Variants in N4BP2 observed in about 807,000 individuals in gnomAD.
The protein encoded by N4BP2 is NEDD4-binding protein 2.
Under a neutral mutation model 152.8 loss-of-function variants are expected in N4BP2, and 91 were observed. That is an observed-to-expected ratio of 0.60 (90% CI 0.50 to 0.71). N4BP2 has a LOEUF of 0.71. N4BP2 is among the 30% of genes least tolerant of loss of function. The probability of loss-of-function intolerance (pLI) is 0.00; values close to 1 mark genes in which losing one functional copy is unlikely to be tolerated. For missense variants in N4BP2, 1,923 were observed against 2,059.1 expected, an observed-to-expected ratio of 0.93 and a Z score of 1.28; for synonymous variants, 646 against 705.3, an observed-to-expected ratio of 0.92 and a Z score of 1.33.
chr4:40,116,854 A>G (rs1049702999), intron 7 of N4BP2, among the ~76,000 whole-genome samples: 1 of 152,068 alleles, frequency 6.6e-6, no homozygotes, highest in Non-Finnish European at 1.5e-5. Context: ...TATATTCTAT[A>G]CTGACAGTTA....
chr4:40,126,116 A>G lies in N4BP2; in HGVS notation c.4331-18A>G, dbSNP rs769256700. On this transcript the variant is annotated intron_variant, in intron 11 of 17. Transcript: ENST00000261435. ...CATTTATTGTTGAGAGTATGACAGTATTTATACTACTTTGTAGATCCTTCC... is the reference window on the plus strand; with the variant it reads ...CATTTATTGTTGAGAGTATGACAGTGTTTATACTACTTTGTAGATCCTTCC... The G allele has an allele frequency of 6.7e-7, 1 of 1,488,988 alleles. No homozygotes were observed. Among genetic ancestry groups the G allele is most frequent in the South Asian group, 1.3e-5 (1 of 75,282 alleles). The allele number at this position is 1,488,988 out of a possible 1,614,324, so 92.2% of individuals were successfully genotyped here. A position where few individuals can be genotyped will look rare whatever the true frequency, so the allele number is the denominator to read the frequency against.
intron 16 of N4BP2, among the ~76,000 whole-genome samples, chr4:40,148,475 AGAGGGG>A (rs1258888663): frequency 6.8e-4 from 53 of 77,856 alleles, no homozygotes; most frequent in Admixed American, 1.3e-3. Flanking sequence ...GGGGAGAGGG[AGAGGGG>A]GAGGGGGAGG....
intron 2 of N4BP2, among the ~76,000 whole-genome samples, chr4:40,091,746 C>G (rs1201604588): frequency 6.7e-6 from 1 of 148,756 alleles, no homozygotes; most frequent in Non-Finnish European, 1.5e-5. Flanking sequence ...GTACCTGGGA[C>G]CACAGGTACG....
In N4BP2 at chr4:40,097,388, T is replaced by G. The variant is rs1271084144; in HGVS notation, c.48T>G (p.Thr16=). The stretch of plus-strand genomic sequence containing the variant: ...TTGGGGGAAATCCTTTTCGGAAGAC[T>G]GCAAACCCTAAGGAAGTTGTCGTAT... ...KNLGGNPFRK[T]ANPKEVVVSS... The change falls in exon 3 of 18, where the codon ACT becomes ACG. Residue 16 remains threonine (T), a synonymous_variant. Transcript: ENST00000261435. The G allele has an allele frequency of 1.9e-6, 3 of 1,614,146 alleles. No individual in the cohort carries two copies. The Admixed American group carries it at 5.0e-5, about 27-fold the overall frequency.
At chr4:40,177,989 C>A in the N4BP2 span, among the ~76,000 whole-genome samples, 2 of 151,808 alleles carry the variant, frequency 1.3e-5, no homozygotes, top group African/African-American at 4.8e-5. Context: ...CTTAAGCAAC[C>A]AGAAAAAAAC....
chr4:40,119,423 A>G (rs1367447981), intron 8 of N4BP2, among the ~76,000 whole-genome samples: 1 of 152,218 alleles, frequency 6.6e-6, no homozygotes, highest in Non-Finnish European at 1.5e-5. Flanking sequence ...ATGGCTTTAA[A>G]AAATCTTACC....
At position 40,155,161 on chromosome 4, in the gene N4BP2, GT is replaced by G. The variant is rs1243861012; in HGVS notation, c.*925del. 1.3e-5 allele frequency: 2 copies of G among 152,270 alleles called. No individual in the cohort carries two copies. Among genetic ancestry groups the G allele is most frequent in the African/African-American group, 4.8e-5 (2 of 41,452 alleles). 9.4% of individuals were successfully genotyped at this position (152,270 alleles called of 1,614,324 possible). ...AATCCCAGCACTTTGGGAGGCCGAG[GT>G]AGGTGGATCGCCTGAGGTCAGAAGT... is the stretch of plus-strand genomic sequence containing the variant. On this transcript the variant is annotated 3_prime_UTR_variant, in exon 18 of 18. Coordinates refer to ENST00000261435, the MANE Select transcript of N4BP2 (RefSeq NM_018177.6).
chr4:40,174,448 C>T, the N4BP2 span, among the ~76,000 whole-genome samples: 4 of 152,160 alleles, frequency 2.6e-5, no homozygotes, highest in East Asian at 7.7e-4. Flanking sequence ...ATGTTCATTG[C>T]AGCATTACTT....
In N4BP2 at chr4:40,121,300, A is replaced by AG; in HGVS notation, c.3190dup (p.Glu1064GlyfsTer6). The AG allele has an allele frequency of 6.2e-7, 1 of 1,613,970 alleles. No individual in the cohort carries two copies. Among genetic ancestry groups the AG allele is most frequent in the African/African-American group, 1.3e-5 (1 of 75,056 alleles). ...ATATTAACACAAAATCAGACGTTCAAGAAGCAATTCCATATAGAGTAATGT... is the reference window on the plus strand; with the variant it reads ...ATATTAACACAAAATCAGACGTTCAAGGAAGCAATTCCATATAGAGTAATGT... On this transcript the variant is annotated frameshift_variant, in exon 9 of 18. Coordinates refer to ENST00000261435, the MANE Select transcript of N4BP2 (RefSeq NM_018177.6). LOFTEE classifies it high-confidence loss of function.
downstream of N4BP2, among the ~76,000 whole-genome samples, chr4:40,159,759 G>C (rs1721806248): frequency 6.6e-6 from 1 of 152,154 alleles, no homozygotes; most frequent in South Asian, 2.1e-4. Flanking sequence ...TTAGGAGAAT[G>C]AATAGCAGTC....
chr4:40,095,493 T>A (rs1288250268), intron 2 of N4BP2, among the ~76,000 whole-genome samples: 1 of 152,250 alleles, frequency 6.6e-6, no homozygotes, highest in Non-Finnish European at 1.5e-5. Context: ...TATATAAATG[T>A]ACTTTTATTT....
At position 40,101,406 on chromosome 4, in the gene N4BP2, C is replaced by T. The variant is rs371470314; in HGVS notation, c.230-669C>T. 3.4e-4 allele frequency among the ~76,000 whole-genome samples: 52 copies of T among 152,198 alleles called. 1 individual carries two copies. In the South Asian group the frequency reaches 9.5e-3, roughly 28 times the overall value. On this transcript the variant is annotated intron_variant, in intron 3 of 17. Transcript: ENST00000261435. ...AACTCCTGACCTCAGGTGATCCACC[C>T]GCCTCAGCCTCCCAAAGTGCTGGGA...
chr4:40,118,667 T>A (rs1229586741), intron 8 of N4BP2, among the ~76,000 whole-genome samples: 1 of 152,210 alleles, frequency 6.6e-6, no homozygotes, highest in Admixed American at 6.5e-5. Flanking sequence ...ATCTTCTCGC[T>A]GTTATTATTT....
Position 40,124,218 on chromosome 4 carries a change from T to G in N4BP2, c.4330+13T>G. On this transcript the variant is annotated intron_variant, in intron 11 of 17. Coordinates refer to ENST00000261435, the MANE Select transcript of N4BP2 (RefSeq NM_018177.6). ...AAGTTTATGCAAGGTAAAGCACATG[T>G]TTTTATTTCTAATGTCTTAATGTTG... is the stretch of plus-strand genomic sequence containing the variant. The G allele has an allele frequency of 6.3e-7, 1 of 1,590,362 alleles. No individual in the cohort carries two copies. The highest frequency in any genetic ancestry group is 8.6e-7 in the Non-Finnish European group (1 of 1,162,656).
At chr4:40,149,274 A>G (rs1179998610) in intron 16 of N4BP2, among the ~76,000 whole-genome samples, 1 of 152,272 alleles carries the variant, frequency 6.6e-6, no homozygotes, top group African/African-American at 2.4e-5. Flanking sequence ...AGCCATGTAG[A>G]GAAATGGCGG....
At chr4:40,142,895 A>G (rs777198096) in intron 15 of N4BP2, 34 bp downstream of exon 15, 6 of 1,576,344 alleles carry the variant, frequency 3.8e-6, no homozygotes, top group Non-Finnish European at 5.2e-6. Flanking sequence ...ATTTTTTGTC[A>G]GTTATAATAA....
At chr4:40,079,356 A>G (rs944181427) in intron 2 of N4BP2, among the ~76,000 whole-genome samples, 19 of 150,006 alleles carry the variant, frequency 1.3e-4, no homozygotes, top group Admixed American at 1.2e-3. Flanking sequence ...AGCTCAAATG[A>G]TCCTCCTTCC....
In N4BP2 at chr4:40,112,151, A is replaced by G; in HGVS notation, c.1566A>G (p.Glu522=). 6.3e-7 allele frequency: 1 copy of G among 1,574,994 alleles called. No individual in the cohort carries two copies. Among genetic ancestry groups the G allele is most frequent in the South Asian group, 1.2e-5 (1 of 86,662 alleles). The change falls in exon 6 of 18, where the codon GAA becomes GAG. Residue 522 remains glutamate, a synonymous_variant. Coordinates refer to ENST00000261435, the MANE Select transcript of N4BP2 (RefSeq NM_018177.6). The stretch of plus-strand genomic sequence containing the variant: ...ATAATACAAACCTACAGGCATGGGA[A>G]ATGAAACCATATGTTGCTTTGGTTA... The part of the protein sequence containing the change: ...IIDNTNLQAW[E]MKPYVALSQK...
At chr4:40,065,448 A>C (rs1181375621) in intron 1 of N4BP2, among the ~76,000 whole-genome samples, 1 of 152,156 alleles carries the variant, frequency 6.6e-6, no homozygotes, top group Non-Finnish European at 1.5e-5. Flanking sequence ...CGAACAAAAG[A>C]TTAGGAACAG....
Sources: gnomAD v4.1 joint callset for allele counts (sites outside exome capture counted in the v4.1 genomes callset) on GRCh38, gnomAD v4.1.1 for gene constraint, MANE v1.5 for transcripts, NCBI Gene and HGNC (gene_info 2026-07-23, HGNC 2026-07-21) for gene names.